Variants in TNS3 observed in about 807,000 individuals in gnomAD.
TNS3 encodes the protein tensin-3.
Under a neutral mutation model 140.9 loss-of-function variants are expected in TNS3, and 45 were observed. The ratio of observed to expected loss-of-function variants is 0.32; its 90% CI spans 0.25 to 0.41. TNS3 has a LOEUF of 0.41. Ranked by LOEUF, TNS3 falls within the 10% of genes least tolerant of loss-of-function variation. TNS3 has a pLI of 1.00. For missense variants in TNS3, 1,716 were observed against 1,906.7 expected (o/e 0.90, Z 1.86); for synonymous variants, 815 against 788.4 (o/e 1.03, Z -0.56).
At chr7:47,484,593 G>C (rs1319520606) in intron 3 of TNS3, among the ~76,000 whole-genome samples, 1 of 152,198 alleles carries the variant, frequency 6.6e-6, no homozygotes, top group Non-Finnish European at 1.5e-5. Context: ...GGACAGTCAA[G>C]TGTCACTTGC....
chr7:47,345,381 G>A (rs1789274252), intron 18 of TNS3, among the ~76,000 whole-genome samples: 1 of 152,150 alleles, frequency 6.6e-6, no homozygotes, highest in Non-Finnish European at 1.5e-5. Context: ...GGATAAAACA[G>A]TCCTTACCCA....
chr7:47,447,497 AG>A (rs1193994829), intron 4 of TNS3, among the ~76,000 whole-genome samples: 1 of 152,096 alleles, frequency 6.6e-6, no homozygotes, highest in Admixed American at 6.5e-5. Flanking sequence ...GCCTCAGGAA[AG>A]GTCCTCCACT....
intron 4 of TNS3, among the ~76,000 whole-genome samples, chr7:47,475,618 CCT>C (rs1797167004): frequency 6.6e-6 from 1 of 152,226 alleles, no homozygotes; most frequent in Non-Finnish European, 1.5e-5. Flanking sequence ...CCATACATGG[CCT>C]CGGGGTGTCC....
At chr7:47,520,344 C>T (rs1798928911) in intron 2 of TNS3, among the ~76,000 whole-genome samples, 1 of 152,160 alleles carries the variant, frequency 6.6e-6, no homozygotes, top group African/African-American at 2.4e-5. Flanking sequence ...AACAACCCCA[C>T]AACTTAACAT....
chr7:47,375,346 G>A (rs775746718), intron 16 of TNS3, among the ~76,000 whole-genome samples: 7 of 152,316 alleles, frequency 4.6e-5, no homozygotes, highest in South Asian at 2.1e-4. Flanking sequence ...GTCTGGCAAC[G>A]ATTTCCTGGT....
rs368191500 is a variant in TNS3 at position 47,369,308 on chromosome 7, A to G, written c.1338T>C (p.Asp446=). The G allele has an allele frequency of 4.8e-5, 77 of 1,614,040 alleles. No individual in the cohort carries two copies. The African/African-American group carries it at 9.2e-4, about 19-fold the overall frequency. Residue 446 remains aspartate, a synonymous_variant, in exon 17 of 31, where the codon GAT becomes GAC. Coordinates refer to ENST00000311160, the MANE Select transcript of TNS3 (RefSeq NM_022748.12). Reference sequence around the variant, plus strand: ...GGGTCCCACTGTACTTGCTTCGAGCATCAGTCATTTCCTTGAGGGAGCTTC... The same window carrying G: ...GGGTCCCACTGTACTTGCTTCGAGCGTCAGTCATTTCCTTGAGGGAGCTTC... ...DPGSSLKEMT[D]ARSKYSGTRH...
chr7:47,378,396 G>A (rs1312337642), intron 16 of TNS3, among the ~76,000 whole-genome samples: 1 of 152,166 alleles, frequency 6.6e-6, no homozygotes, highest in East Asian at 1.9e-4. Context: ...TTAAAAAAAC[G>A]TATTCAGAAG....
At chr7:47,476,230 G>T (rs982077769) in intron 4 of TNS3, among the ~76,000 whole-genome samples, 7 of 152,198 alleles carry the variant, frequency 4.6e-5, no homozygotes, top group Non-Finnish European at 1.0e-4. Context: ...CCAGAAAAGT[G>T]AAAGAACTCC....
chr7:47,454,642 C>A (rs1447289943), intron 4 of TNS3, among the ~76,000 whole-genome samples: 4 of 152,134 alleles, frequency 2.6e-5, no homozygotes, highest in Non-Finnish European at 5.9e-5. Flanking sequence ...GTGTGGCACC[C>A]TGAGGACAGG....
In TNS3 at chr7:47,369,456, G is replaced by A; in HGVS notation, c.1190C>T (p.Thr397Ile). Residue 397 changes from threonine (T) to isoleucine (I), a missense_variant, in exon 17 of 31, where the codon ACA becomes ATA. Thr to Ile is a moderately conservative substitution (Grantham distance 89). Transcript: ENST00000311160. ...CGTCTTATCCGTCCTGGCAGAGGCT[G>A]TAGAGTGGCCGGAGTCACTGCTGAC... ...LSVSSDSGHS[T>I]ASARTDKTEE... The A allele has an allele frequency of 6.2e-7, 1 of 1,614,210 alleles. No homozygotes were observed. The highest frequency in any genetic ancestry group is 8.5e-7 in the Non-Finnish European group (1 of 1,180,038).
chr7:47,313,290 T>A (rs1186279564), intron 20 of TNS3, among the ~76,000 whole-genome samples: 8 of 152,196 alleles, frequency 5.3e-5, no homozygotes, highest in Non-Finnish European at 1.0e-4. Flanking sequence ...GGCTGGCACC[T>A]GTAGGAGCTC....
At chr7:47,501,943 C>T (rs908626662) in intron 3 of TNS3, among the ~76,000 whole-genome samples, 15 of 152,122 alleles carry the variant, frequency 9.9e-5, no homozygotes, top group African/African-American at 3.6e-4. Context: ...AGACGCTCAA[C>T]TCGTGTTTTA....
At chr7:47,423,286 ATGGAGCTACC>A (rs1403253457) in intron 10 of TNS3, among the ~76,000 whole-genome samples, 9 of 152,232 alleles carry the variant, frequency 5.9e-5, no homozygotes, top group Non-Finnish European at 1.2e-4. Context: ...GAAATATGCC[ATGGAGCTACC>A]TGGTTGGCTC....
At chr7:47,457,128 G>T in intron 4 of TNS3, among the ~76,000 whole-genome samples, 1 of 36,748 alleles carries the variant, frequency 2.7e-5, no homozygotes, top group Non-Finnish European at 6.5e-5. Flanking sequence ...GAGGGGAGGG[G>T]AGGGGAGGAG....
intron 4 of TNS3, among the ~76,000 whole-genome samples, chr7:47,449,564 C>T (rs920431395): frequency 6.6e-5 from 10 of 152,330 alleles, no homozygotes; most frequent in African/African-American, 2.4e-4. Flanking sequence ...CCCTACCCGA[C>T]CTGAGTCATA....
chr7:47,573,909 A>G (rs924773529), intron 1 of TNS3, among the ~76,000 whole-genome samples: 2 of 152,214 alleles, frequency 1.3e-5, no homozygotes, highest in Non-Finnish European at 2.9e-5. Flanking sequence ...TTGTGAACAC[A>G]TTCTTAGAGG....
intron 16 of TNS3, among the ~76,000 whole-genome samples, chr7:47,371,970 GCAC>G (rs1168179194): frequency 2.0e-5 from 3 of 152,244 alleles, no homozygotes; most frequent in Admixed American, 1.3e-4. Flanking sequence ...AAATGGCATA[GCAC>G]ACGGGTGAGT....
At chr7:47,372,187 G>C (rs2151169676) in intron 16 of TNS3, among the ~76,000 whole-genome samples, 1 of 152,300 alleles carries the variant, frequency 6.6e-6, no homozygotes, top group East Asian at 1.9e-4. Flanking sequence ...GTGTTGTATG[G>C]CCATCAGCCC....
intron 17 of TNS3, among the ~76,000 whole-genome samples, chr7:47,362,897 TCACCAC>T (rs372759332): frequency 1.0e-5 from 1 of 97,614 alleles, no homozygotes; most frequent in Non-Finnish European, 2.1e-5. Flanking sequence ...ACCATCACCA[TCACCAC>T]CATCAACATC....
Sources: allele counts gnomAD v4.1 joint callset (sites outside exome capture counted in the v4.1 genomes callset), GRCh38; gene constraint gnomAD v4.1.1; transcripts MANE v1.5; gene names NCBI Gene and HGNC (gene_info 2026-07-23, HGNC 2026-07-21).